Variants in RANBP2 observed in about 807,000 individuals in gnomAD.
RANBP2 encodes the protein RAN binding protein 2.
Under a neutral mutation model 303.6 loss-of-function variants are expected in RANBP2, and 57 were observed. The ratio of observed to expected loss-of-function variants is 0.19; its 90% confidence interval spans 0.15 to 0.23. The LOEUF (loss-of-function observed/expected upper bound fraction) is 0.23, where lower values mean the gene tolerates loss of function less well. Among genes scored for constraint, RANBP2 ranks in the 10% least tolerant of loss-of-function variants. The probability of loss-of-function intolerance (pLI) is 1.00; values close to 1 mark genes in which losing one functional copy is unlikely to be tolerated. For synonymous variants in RANBP2, 1,167 were observed against 1,301.5 expected (o/e 0.90, Z 2.23); for missense variants, 3,138 against 3,780.8 (o/e 0.83, Z 4.46).
At chr2:109,447,662 C>T in the RANBP2 span, among the ~76,000 whole-genome samples, 7 of 152,184 alleles carry the variant, frequency 4.6e-5, no homozygotes, top group Non-Finnish European at 1.0e-4. Context: ...CACCATTCCC[C>T]TGGGGCCGTT....
At chr2:109,493,022 T>TA in the RANBP2 span, among the ~76,000 whole-genome samples, 1 of 148,304 alleles carries the variant, frequency 6.7e-6, no homozygotes, top group East Asian at 2.0e-4. Context: ...TCACCACACA[T>TA]ACACCATACA....
chr2:109,574,698 C>T, the RANBP2 span: 7 of 1,608,146 alleles, frequency 4.4e-6, no homozygotes, highest in Admixed American at 1.0e-4. Flanking sequence ...AGAGAGAACG[C>T]TTAATCTTCA....
the RANBP2 span, among the ~76,000 whole-genome samples, chr2:109,376,859 A>G: frequency 6.6e-6 from 1 of 152,166 alleles, no homozygotes; most frequent in East Asian, 1.9e-4. Flanking sequence ...GGGAGGAAGA[A>G]CCCCTTCCTT....
At chr2:108,742,519 T>G (rs1159339206) in intron 7 of RANBP2, among the ~76,000 whole-genome samples, 2 of 151,832 alleles carry the variant, frequency 1.3e-5, no homozygotes, top group Non-Finnish European at 2.9e-5. Flanking sequence ...TTAGCCAGGA[T>G]GGTCTCGATC....
the RANBP2 span, among the ~76,000 whole-genome samples, chr2:108,998,485 C>T: frequency 6.6e-6 from 1 of 152,208 alleles, no homozygotes; most frequent in Admixed American, 6.5e-5. Context: ...CACATCCAAT[C>T]CTCCTCGTTT....
the RANBP2 span, among the ~76,000 whole-genome samples, chr2:109,683,613 C>A: frequency 1.4e-4 from 21 of 152,126 alleles, no homozygotes; most frequent in Non-Finnish European, 2.9e-4. Flanking sequence ...AGTGACCATG[C>A]GCCTGGCCGG....
chr2:109,389,513 G>A, the RANBP2 span, among the ~76,000 whole-genome samples: 1 of 152,102 alleles, frequency 6.6e-6, no homozygotes, highest in Non-Finnish European at 1.5e-5. Context: ...ATTCTATTCC[G>A]TTTCTTAAAA....
At chr2:109,015,750 T>A in the RANBP2 span, among the ~76,000 whole-genome samples, 3 of 152,056 alleles carry the variant, frequency 2.0e-5, no homozygotes, top group Non-Finnish European at 2.9e-5. Flanking sequence ...AGAGCAAGAC[T>A]CTGTCTCAAA....
chr2:109,680,279 G>A, the RANBP2 span, among the ~76,000 whole-genome samples: 56 of 151,584 alleles, frequency 3.7e-4, no homozygotes, highest in African/African-American at 9.4e-4. Context: ...TGTAAACCCC[G>A]GAGGCGGAGC....
chr2:109,722,197 G>A, the RANBP2 span, among the ~76,000 whole-genome samples: 3 of 152,146 alleles, frequency 2.0e-5, no homozygotes, highest in Non-Finnish European at 4.4e-5. Context: ...CTTGTTTGTC[G>A]GCATCCTGGA....
chr2:109,419,725 C>T, the RANBP2 span: 8 of 1,347,728 alleles, frequency 5.9e-6, no homozygotes, highest in South Asian at 1.3e-5. Context: ...GTGTGGTTTC[C>T]GCAGGGTTTT....
the RANBP2 span, among the ~76,000 whole-genome samples, chr2:109,527,341 G>A: frequency 6.6e-6 from 1 of 152,248 alleles, no homozygotes. Context: ...AACATGGTAT[G>A]TTAGGACAAG....
chr2:109,147,354 C>A, the RANBP2 span, among the ~76,000 whole-genome samples: 21 of 152,268 alleles, frequency 1.4e-4, no homozygotes, highest in African/African-American at 4.8e-4. Flanking sequence ...ACTATCTCTG[C>A]GCTGATAAGC....
At chr2:109,650,772 C>A in the RANBP2 span, among the ~76,000 whole-genome samples, 1 of 152,160 alleles carries the variant, frequency 6.6e-6, no homozygotes, top group South Asian at 2.1e-4. Flanking sequence ...CCATGCTAAA[C>A]GTGCCTTTTG....
At chr2:109,041,082 A>G in the RANBP2 span, among the ~76,000 whole-genome samples, 1 of 152,282 alleles carries the variant, frequency 6.6e-6, no homozygotes, top group African/African-American at 2.4e-5. Flanking sequence ...TAATAAAAAA[A>G]GATATACTTT....
the RANBP2 span, among the ~76,000 whole-genome samples, chr2:109,599,469 A>C: frequency 2.0e-5 from 3 of 151,876 alleles, no homozygotes; most frequent in Non-Finnish European, 4.4e-5. Context: ...AAAAAAAAAA[A>C]AAAAAAAAGA....
At chr2:109,501,607 AG>A in the RANBP2 span, 1 of 779,382 alleles carries the variant, frequency 1.3e-6, no homozygotes, top group Non-Finnish European at 2.4e-6. Context: ...GGCTGGTACA[AG>A]GGGACCCTGC....
the RANBP2 span, among the ~76,000 whole-genome samples, chr2:109,426,188 C>T: frequency 3.9e-5 from 6 of 152,346 alleles, no homozygotes; most frequent in East Asian, 3.9e-4. Context: ...GGATTACAAT[C>T]GTGAGCCACT....
chr2:109,612,845 T>G, the RANBP2 span, among the ~76,000 whole-genome samples: 1 of 152,084 alleles, frequency 6.6e-6, no homozygotes, highest in Non-Finnish European at 1.5e-5. Context: ...TTTGTCCAGG[T>G]TCTATAAAAC....
Sources: allele counts gnomAD v4.1 joint callset (sites outside exome capture counted in the v4.1 genomes callset), GRCh38; gene constraint gnomAD v4.1.1; transcripts MANE v1.5; gene names NCBI Gene and HGNC (gene_info 2026-07-23, HGNC 2026-07-21).